KLF8: variants seen among roughly 807,000 people sequenced by gnomAD.
KLF8 encodes the protein Krueppel-like factor 8.
In KLF8, 10 loss-of-function variants were observed where a neutral mutation model predicts 18.2. That is an observed-to-expected ratio of 0.55 (90% CI 0.34 to 0.93). KLF8 has a LOEUF of 0.93. Ranked by LOEUF, KLF8 falls within the 40% of genes least tolerant of loss-of-function variation. The pLI, the probability that KLF8 is intolerant of heterozygous loss-of-function variation, is 0.02. For missense variants in KLF8, 264 were observed against 277.9 expected (o/e 0.95, Z 0.36); for synonymous variants, 109 against 97.3 (o/e 1.12, Z -0.71).
At chrX:56,035,114 C>T in the KLF8 span, among the ~76,000 whole-genome samples, 1 of 111,836 alleles carries the variant, frequency 8.9e-6, no homozygotes, top group Non-Finnish European at 1.9e-5. Context: ...CTCCCTATTC[C>T]TCATTCATTA....
At chrX:56,201,137 A>T in the KLF8 span, among the ~76,000 whole-genome samples, 1 of 112,185 alleles carries the variant, frequency 8.9e-6, no homozygotes, top group Non-Finnish European at 1.9e-5. Context: ...TGAAATCAGG[A>T]TCTCAAAGAG....
the KLF8 span, among the ~76,000 whole-genome samples, chrX:56,187,051 C>CA: frequency 5.4e-5 from 6 of 110,713 alleles, no homozygotes; most frequent in East Asian, 1.7e-3. Flanking sequence ...GAAAGAGAGA[C>CA]AAAAAACCCT....
chrX:56,154,492 A>G, the KLF8 span, among the ~76,000 whole-genome samples: 1 of 112,110 alleles, frequency 8.9e-6, no homozygotes, highest in Non-Finnish European at 1.9e-5. Context: ...ACCTAAAACC[A>G]TAAAAACCCT....
chrX:56,105,456 T>A, the KLF8 span, among the ~76,000 whole-genome samples: 5 of 111,668 alleles, frequency 4.5e-5, no homozygotes, highest in Non-Finnish European at 7.5e-5. Context: ...CTGATCCCTT[T>A]ACCATTATGT....
At chrX:56,120,914 C>T in the KLF8 span, among the ~76,000 whole-genome samples, 34 of 111,417 alleles carry the variant, frequency 3.1e-4, no homozygotes, top group Non-Finnish European at 5.7e-4. Flanking sequence ...GGGCCGAACA[C>T]AGTGGCTCAC....
At chrX:56,143,680 C>G in the KLF8 span, among the ~76,000 whole-genome samples, 1 of 111,738 alleles carries the variant, frequency 8.9e-6, no homozygotes, top group Non-Finnish European at 1.9e-5. Context: ...CATTTCTGAT[C>G]CTATGAGGTA....
the KLF8 span, among the ~76,000 whole-genome samples, chrX:56,069,081 C>A: frequency 2.7e-5 from 3 of 111,998 alleles, no homozygotes; most frequent in Non-Finnish European, 1.9e-5. Context: ...TGCACAGCCT[C>A]CTGTTGTCCC....
the KLF8 span, among the ~76,000 whole-genome samples, chrX:56,009,092 C>G: frequency 9.0e-6 from 1 of 111,093 alleles, no homozygotes; most frequent in Non-Finnish European, 1.9e-5. Context: ...CTTATTTAAG[C>G]TGGTCCCTGA....
the KLF8 span, among the ~76,000 whole-genome samples, chrX:56,213,513 G>A: frequency 9.3e-6 from 1 of 107,466 alleles, no homozygotes; most frequent in Non-Finnish European, 1.9e-5. Flanking sequence ...AGTAGAGACA[G>A]GGTTTCACCA....
the KLF8 span, among the ~76,000 whole-genome samples, chrX:56,081,462 C>T: frequency 8.9e-5 from 10 of 111,766 alleles, no homozygotes; most frequent in Non-Finnish European, 1.3e-4. Context: ...AATTGTAATG[C>T]CTTTTATTTC....
At chrX:55,916,911 GTTTCC>G in the KLF8 span, among the ~76,000 whole-genome samples, 1 of 111,924 alleles carries the variant, frequency 8.9e-6, no homozygotes, top group Admixed American at 9.5e-5. Flanking sequence ...TCTCAGCAAA[GTTTCC>G]TTAGAGCTGT....
chrX:55,990,344 G>A, the KLF8 span, among the ~76,000 whole-genome samples: 1 of 112,081 alleles, frequency 8.9e-6, no homozygotes, highest in East Asian at 2.8e-4. Context: ...ATTTAATGCT[G>A]TAAATTTCCC....
At chrX:55,991,880 T>C in the KLF8 span, among the ~76,000 whole-genome samples, 3 of 112,710 alleles carry the variant, frequency 2.7e-5, no homozygotes, top group African/African-American at 9.7e-5. Flanking sequence ...TTTCATATGC[T>C]TCTTGTCCAC....
chrX:55,992,262 A>T, the KLF8 span, among the ~76,000 whole-genome samples: 1 of 112,028 alleles, frequency 8.9e-6, no homozygotes, highest in Non-Finnish European at 1.9e-5. Context: ...ATTCACATCG[A>T]GTTTATTTTT....
At chrX:56,173,001 C>T in the KLF8 span, among the ~76,000 whole-genome samples, 3 of 111,581 alleles carry the variant, frequency 2.7e-5, no homozygotes, top group African/African-American at 9.8e-5. Context: ...GGATATTAAC[C>T]CTTTGTCAGA....
the KLF8 span, among the ~76,000 whole-genome samples, chrX:56,185,979 A>T: frequency 1.8e-5 from 2 of 112,061 alleles, no homozygotes; most frequent in Non-Finnish European, 3.8e-5. Flanking sequence ...ACGAGCAAAA[A>T]AACCAGCTAA....
the KLF8 span, among the ~76,000 whole-genome samples, chrX:56,199,242 A>G: frequency 8.9e-6 from 1 of 112,108 alleles, no homozygotes; most frequent in Non-Finnish European, 1.9e-5. Flanking sequence ...GACAAATGGG[A>G]TCTAATTAAA....
the KLF8 span, among the ~76,000 whole-genome samples, chrX:56,106,994 G>C: frequency 8.9e-6 from 1 of 112,038 alleles, no homozygotes; most frequent in Non-Finnish European, 1.9e-5. Flanking sequence ...GTCTGTTGGA[G>C]TTTGCTGGAG....
At chrX:56,059,536 T>C in the KLF8 span, among the ~76,000 whole-genome samples, 1 of 112,090 alleles carries the variant, frequency 8.9e-6, no homozygotes, top group African/African-American at 3.2e-5. Flanking sequence ...TTGTATAAGG[T>C]GTAAGGAAGG....
Sources: gnomAD v4.1 joint callset for allele counts (sites outside exome capture counted in the v4.1 genomes callset) on GRCh38, gnomAD v4.1.1 for gene constraint, MANE v1.5 for transcripts, NCBI Gene and HGNC (gene_info 2026-07-23, HGNC 2026-07-21) for gene names.